Variants in POU6F2 observed in about 807,000 individuals in gnomAD.
The protein encoded by POU6F2 is POU domain, class 6, transcription factor 2.
Under a neutral mutation model 71.3 loss-of-function variants are expected in POU6F2, and 31 were observed. That is an observed-to-expected ratio of 0.43 (90% CI 0.33 to 0.59). The LOEUF is 0.59. Among genes scored for constraint, POU6F2 ranks in the 20% least tolerant of loss-of-function variants. POU6F2 has a pLI of 0.04. For missense variants in POU6F2, 783 were observed against 856.8 expected, an observed-to-expected ratio of 0.91 and a Z score of 1.07; for synonymous variants, 347 against 355.7, an observed-to-expected ratio of 0.98 and a Z score of 0.27.
At chr7:39,137,518 A>G (rs1792411521) in intron 2 of POU6F2, among the ~76,000 whole-genome samples, 1 of 152,258 alleles carries the variant, frequency 6.6e-6, no homozygotes, top group Non-Finnish European at 1.5e-5. Flanking sequence ...AATATCATAG[A>G]GAGAAATATA....
intron 1 of POU6F2, among the ~76,000 whole-genome samples, chr7:39,044,561 G>C (rs962780231): frequency 1.3e-5 from 2 of 151,890 alleles, no homozygotes; most frequent in Non-Finnish European, 2.9e-5. Flanking sequence ...TTTATAAAGC[G>C]ATTTTCAAAA....
At chr7:39,294,630 T>C (rs1784816135) in intron 4 of POU6F2, among the ~76,000 whole-genome samples, 1 of 152,074 alleles carries the variant, frequency 6.6e-6, no homozygotes, top group East Asian at 2.0e-4. Context: ...GTTGTTTCAC[T>C]AGTTGCTGTA....
intron 1 of POU6F2, among the ~76,000 whole-genome samples, chr7:39,048,990 A>G (rs1433038174): frequency 6.6e-6 from 1 of 151,888 alleles, no homozygotes; most frequent in Admixed American, 6.6e-5. Context: ...AATTTTGGGG[A>G]AAAAGTTGTT....
At chr7:39,286,586 G>C (rs558520041) in intron 4 of POU6F2, among the ~76,000 whole-genome samples, 10 of 152,146 alleles carry the variant, frequency 6.6e-5, no homozygotes, top group Non-Finnish European at 1.5e-4. Context: ...GGGAGTTTAT[G>C]TTGGACAGGT....
At chr7:39,409,724 C>A (rs192657812) in intron 6 of POU6F2, among the ~76,000 whole-genome samples, 1 of 152,342 alleles carries the variant, frequency 6.6e-6, no homozygotes, top group East Asian at 1.9e-4. Context: ...ATGCCAGAAT[C>A]TTCCGTCAGG....
chr7:39,439,681 G>A (rs1330782851), intron 7 of POU6F2, among the ~76,000 whole-genome samples: 1 of 151,998 alleles, frequency 6.6e-6, no homozygotes, highest in Non-Finnish European at 1.5e-5. Flanking sequence ...GTAGAGACAG[G>A]GTTTCGCCAT....
At chr7:38,984,590 T>C (rs191265819) in intron 1 of POU6F2, among the ~76,000 whole-genome samples, 1 of 152,126 alleles carries the variant, frequency 6.6e-6, no homozygotes, top group Non-Finnish European at 1.5e-5. Context: ...AAACTAGAAT[T>C]AAAAAACAAA....
intron 4 of POU6F2, among the ~76,000 whole-genome samples, chr7:39,255,645 C>T (rs1784005939): frequency 6.6e-6 from 1 of 152,158 alleles, no homozygotes; most frequent in South Asian, 2.1e-4. Context: ...AGCTAAATGC[C>T]TGGTTTGGAT....
intron 5 of POU6F2, among the ~76,000 whole-genome samples, chr7:39,341,032 A>G (rs1345702252): frequency 6.6e-6 from 1 of 152,178 alleles, no homozygotes; most frequent in Non-Finnish European, 1.5e-5. Context: ...CCCTTGCCAT[A>G]GTGGTGGGTA....
At chr7:39,166,126 T>C (rs1432113243) in intron 2 of POU6F2, among the ~76,000 whole-genome samples, 1 of 152,210 alleles carries the variant, frequency 6.6e-6, no homozygotes, top group East Asian at 1.9e-4. Context: ...CAGCATAATG[T>C]CCAACACAAA....
chr7:39,204,162 G>A, intron 2 of POU6F2, 73 bp from the exon 3 acceptor site: 1 of 1,251,254 alleles, frequency 8.0e-7, no homozygotes, highest in Non-Finnish European at 1.2e-6. Flanking sequence ...TATCATCTAT[G>A]CCTTAATGTT....
At chr7:39,454,810 C>T (rs1583618006) in intron 8 of POU6F2, among the ~76,000 whole-genome samples, 4 of 148,308 alleles carry the variant, frequency 2.7e-5, no homozygotes, top group South Asian at 4.3e-4. Flanking sequence ...TCCTCCACGT[C>T]GTTGTCAAAG....
chr7:39,386,010 C>T (rs1248825511), intron 5 of POU6F2, among the ~76,000 whole-genome samples: 4 of 151,252 alleles, frequency 2.6e-5, no homozygotes, highest in East Asian at 2.0e-4. Flanking sequence ...CCCAGCTACT[C>T]GAGAGGCTGA....
intron 1 of POU6F2, among the ~76,000 whole-genome samples, chr7:39,060,179 G>A (rs978414780): frequency 1.3e-5 from 2 of 151,742 alleles, no homozygotes; most frequent in East Asian, 1.9e-4. Context: ...CTGCACTCTC[G>A]CCTGGGCAAC....
At chr7:39,171,091 GC>G (rs1467308070) in intron 2 of POU6F2, among the ~76,000 whole-genome samples, 1 of 140,710 alleles carries the variant, frequency 7.1e-6, no homozygotes, top group African/African-American at 2.7e-5. Context: ...TGTTACATAG[GC>G]ATACATATGC....
chr7:39,013,138 C>T (rs1385209314), intron 1 of POU6F2: 3 of 154,922 alleles, frequency 1.9e-5, no homozygotes, highest in African/African-American at 7.2e-5. Context: ...TCGCTGCCGC[C>T]TTGCAGTTTG....
chr7:39,374,825 G>T (rs1786680141), intron 5 of POU6F2, among the ~76,000 whole-genome samples: 1 of 152,162 alleles, frequency 6.6e-6, no homozygotes, highest in Admixed American at 6.5e-5. Flanking sequence ...TTTTCAGGTG[G>T]CAGTCAGATT....
At chr7:39,370,821 A>G (rs1438535087) in intron 5 of POU6F2, among the ~76,000 whole-genome samples, 1 of 152,212 alleles carries the variant, frequency 6.6e-6, no homozygotes, top group Non-Finnish European at 1.5e-5. Context: ...TTTGAACTTG[A>G]ACTTCAACAT....
intron 1 of POU6F2, among the ~76,000 whole-genome samples, chr7:39,004,558 A>G (rs1049652611): frequency 6.6e-6 from 1 of 152,222 alleles, no homozygotes; most frequent in Non-Finnish European, 1.5e-5. Context: ...AAAACTGTGG[A>G]CTAGTAGTGC....
Sources: gnomAD v4.1 joint callset for allele counts (sites outside exome capture counted in the v4.1 genomes callset) on GRCh38, gnomAD v4.1.1 for gene constraint, MANE v1.5 for transcripts, NCBI Gene and HGNC (gene_info 2026-07-23, HGNC 2026-07-21) for gene names.